Variants in ANXA2 observed in about 807,000 individuals in gnomAD.
ANXA2 encodes the protein annexin II.
In ANXA2, 28 loss-of-function variants were observed where a neutral mutation model predicts 47.3. The observed-to-expected ratio is 0.59, with a 90% CI of 0.44 to 0.81. The LOEUF (loss-of-function observed/expected upper bound fraction) is 0.81. Among genes scored for constraint, ANXA2 ranks in the 40% least tolerant of loss-of-function variants. ANXA2 has a pLI of 0.00. For synonymous variants in ANXA2, 172 were observed against 155.5 expected, an observed-to-expected ratio of 1.11 and a Z score of -0.79; for missense variants, 384 against 414.3, an observed-to-expected ratio of 0.93 and a Z score of 0.64.
At chr15:60,357,005 C>T in intron 6 of ANXA2, 141 bp downstream of exon 6, 2 of 655,734 alleles carry the variant, frequency 3.1e-6, no homozygotes, top group Non-Finnish European at 5.3e-6. Context: ...CCACAGCCAA[C>T]CTTGCCTGCA....
chr15:60,378,055 T>C (rs2062805693), intron 3 of ANXA2, among the ~76,000 whole-genome samples: 1 of 151,844 alleles, frequency 6.6e-6, no homozygotes, highest in South Asian at 2.1e-4. Context: ...TGAGTCAAGA[T>C]CATGCCACTG....
chr15:60,355,307 T>G, intron 7 of ANXA2: 1 of 157,900 alleles, frequency 6.3e-6, no homozygotes, highest in Non-Finnish European at 1.4e-5. Flanking sequence ...GGCATAGGAG[T>G]TGTTGCAGTA....
At chr15:60,394,606 G>A (rs1302843192) in intron 1 of ANXA2, 1 of 152,272 alleles carries the variant, frequency 6.6e-6, no homozygotes, top group African/African-American at 2.4e-5. Flanking sequence ...GGGTGAGGCT[G>A]GAGAATCACT....
chr15:60,357,255 G>C lies in ANXA2; in HGVS notation c.358-19C>G, dbSNP rs369445813. On this transcript the variant is annotated intron_variant, in intron 5 of 12. Transcript: ENST00000451270. ...CCAGCCCCTGTGAACCAGGAAGCAC[G>C]AACATCAGCAGGGAAATGCTTCCCC... The C allele has an allele frequency of 6.2e-7, 1 of 1,604,048 alleles. No individual in the cohort carries two copies. The highest frequency in any genetic ancestry group is 8.5e-7 in the Non-Finnish European group (1 of 1,171,080).
Position 60,347,330 on chromosome 15 carries a change from T to A in ANXA2, c.*300A>T. On this transcript the variant is annotated 3_prime_UTR_variant, in exon 13 of 13. Coordinates refer to ENST00000451270, the MANE Select transcript of ANXA2 (RefSeq NM_004039.3). The stretch of plus-strand genomic sequence containing the variant: ...GTTGAAAGCAGGGCCACAAAGTACG[T>A]GTTTCTAAAGTACAAATTCAGTTTA... The A allele has an allele frequency of 2.4e-6, 1 of 421,890 alleles. No individual in the cohort carries two copies. Among genetic ancestry groups the A allele is most frequent in the South Asian group, 3.5e-5 (1 of 28,230 alleles). The allele number at this position is 421,890 out of a possible 1,614,324, so 26.1% of individuals were successfully genotyped here. A position where few individuals can be genotyped will look rare whatever the true frequency, so the allele number is the denominator to read the frequency against.
intron 2 of ANXA2, 114 bp from the exon 3 acceptor site, chr15:60,382,555 A>C: frequency 4.2e-6 from 3 of 710,586 alleles, no homozygotes; most frequent in Non-Finnish European, 7.0e-6. Flanking sequence ...GATCATTCTC[A>C]TACTAGGTAA....
intron 2 of ANXA2, 86 bp from the exon 3 acceptor site, chr15:60,382,527 GTTTCT>G (rs1326404975): frequency 5.1e-6 from 5 of 978,350 alleles, no homozygotes; most frequent in South Asian, 1.5e-5. Context: ...TTTTCCTATT[GTTTCT>G]TTTAACAATT....
intron 5 of ANXA2, among the ~76,000 whole-genome samples, chr15:60,357,816 T>G (rs11629852): frequency 0.19 from 28,112 of 150,634 alleles, 3,073 homozygotes; most frequent in Middle Eastern, 0.3. Flanking sequence ...AAGTAGTGAA[T>G]AGGAAGAGGC....
chr15:60,391,070 T>C (rs2063003071), intron 1 of ANXA2: 1 of 152,244 alleles, frequency 6.6e-6, no homozygotes, highest in Non-Finnish European at 1.5e-5. Flanking sequence ...AAAAGACACT[T>C]ATAAAACTGT....
rs1237322879 is a variant in ANXA2, at chr15:60,385,850, T to C, written c.48+178A>G. The C allele has an allele frequency of 7.5e-6, 4 of 533,308 alleles. No individual in the cohort carries two copies. The East Asian group carries it at 1.3e-4, about 17-fold the overall frequency. 33.0% of individuals were successfully genotyped at this position (533,308 alleles called of 1,614,324 possible). A position where few individuals can be genotyped will look rare whatever the true frequency, so the allele number is the denominator to read the frequency against. ...CCAAGAAAAGTTTCCAGTGCCATGA[T>C]ATTTCCTTCAAATTGAACTACTAGG... On this transcript the variant is annotated intron_variant, in intron 2 of 12. Transcript: ENST00000451270.
intron 4 of ANXA2, 143 bp from the exon 5 acceptor site, chr15:60,361,197 G>C (rs2062507425): frequency 2.5e-5 from 16 of 652,624 alleles, no homozygotes. Flanking sequence ...GCCCTCAACT[G>C]CATTCCCTTC....
intron 12 of ANXA2, among the ~76,000 whole-genome samples, chr15:60,347,945 A>C (rs1472018851): frequency 6.6e-6 from 1 of 152,136 alleles, no homozygotes; most frequent in Non-Finnish European, 1.5e-5. Flanking sequence ...GAGGGAGTGC[A>C]AGGTGCTGAG....
chr15:60,355,930 C>T lies in ANXA2; in HGVS notation c.517G>A (p.Ala173Thr), dbSNP rs2062422919. The T allele has an allele frequency of 1.4e-5, 23 of 1,614,114 alleles. No individual in the cohort carries two copies. Among genetic ancestry groups the T allele is most frequent in the Non-Finnish European group, 1.9e-5 (23 of 1,179,944 alleles). ...ACTGGGAAACCAACCTTTGCCAGGGCAACCATCAGCTTGCGGAAGTCACCA... is the reference window on the plus strand; with the variant it reads ...ACTGGGAAACCAACCTTTGCCAGGGTAACCATCAGCTTGCGGAAGTCACCA... Reference protein sequence around the residue: ...TSGDFRKLMVALAKGRRAEDG... With the variant: ...TSGDFRKLMVTLAKGRRAEDG... The change falls in exon 7 of 13, where the codon GCC becomes ACC. Residue 173 changes from alanine to threonine, a missense_variant. Coordinates refer to ENST00000451270, the MANE Select transcript of ANXA2 (RefSeq NM_004039.3).
At chr15:60,393,108 C>A (rs2063035988) in intron 1 of ANXA2, 1 of 1,286,946 alleles carries the variant, frequency 7.8e-7, no homozygotes, top group Non-Finnish European at 1.0e-6. Flanking sequence ...AGGGCCAACT[C>A]ATTCCCCAGA....
intron 1 of ANXA2, 69 bp from the exon 2 acceptor site, chr15:60,386,155 T>C: frequency 9.4e-7 from 1 of 1,066,952 alleles, no homozygotes; most frequent in Non-Finnish European, 1.4e-6. Flanking sequence ...CAGCGATTCA[T>C]TATGCTAATT....
chr15:60,348,932 C>A, intron 12 of ANXA2, 143 bp downstream of exon 12: 1 of 880,528 alleles, frequency 1.1e-6, no homozygotes, highest in Non-Finnish European at 1.7e-6. Flanking sequence ...AAAATAAATC[C>A]CTGATAGTTG....
At chr15:60,396,896 A>G (rs1270394692) in intron 1 of ANXA2, among the ~76,000 whole-genome samples, 1 of 152,236 alleles carries the variant, frequency 6.6e-6, no homozygotes, top group Non-Finnish European at 1.5e-5. Context: ...TAAAACGGCA[A>G]TCTTACTACA....
rs1048462099 is a variant in ANXA2 at position 60,364,336 on chromosome 15, G to A, written c.243+93C>T. The A allele has an allele frequency of 2.5e-5, 24 of 969,166 alleles. 1 individual carries two copies. The highest frequency in any genetic ancestry group is 1.1e-4 in the Admixed American group (5 of 43,500). The allele number at this position is 969,166 out of a possible 1,614,324, so 60.0% of individuals were successfully genotyped here. ...TCCAAGGGTCCCACAAGTCTTTTGCGCATGAGAGCCACAATTCATGAAAAG... is the reference window on the plus strand; with the variant it reads ...TCCAAGGGTCCCACAAGTCTTTTGCACATGAGAGCCACAATTCATGAAAAG... On this transcript the variant is annotated intron_variant, in intron 4 of 12. Coordinates refer to ENST00000451270, the MANE Select transcript of ANXA2 (RefSeq NM_004039.3).
At chr15:60,360,904 G>T in intron 5 of ANXA2, 37 bp downstream of exon 5, 2 of 1,294,166 alleles carry the variant, frequency 1.5e-6, no homozygotes, top group Non-Finnish European at 2.2e-6. Context: ...AAAATTAATA[G>T]CAGATTTGAC....
Sources: allele counts gnomAD v4.1 joint callset (sites outside exome capture counted in the v4.1 genomes callset), GRCh38; gene constraint gnomAD v4.1.1; transcripts MANE v1.5; gene names NCBI Gene and HGNC (gene_info 2026-07-23, HGNC 2026-07-21).